The following SNX29 variants were observed in gnomAD, a reference collection of about 807,000 sequenced individuals.
The protein encoded by SNX29 is sorting nexin-29.
A neutral mutation model predicts 102.1 loss-of-function variants in SNX29; 78 were observed. That is an observed-to-expected ratio of 0.76 (90% CI 0.64 to 0.92). The LOEUF is 0.92. Ranked by LOEUF, SNX29 falls within the 40% of genes least tolerant of loss-of-function variation. SNX29 has a pLI of 0.00. For synonymous variants in SNX29, 580 were observed against 414.5 expected, an observed-to-expected ratio of 1.40 and a Z score of -4.85; for missense variants, 1,280 against 1,061.7, an observed-to-expected ratio of 1.21 and a Z score of -2.86.
intron 20 of SNX29, among the ~76,000 whole-genome samples, chr16:12,563,251 C>CCGCCCAGGTAGCAGAG (rs1247896221): frequency 6.6e-6 from 1 of 152,130 alleles, no homozygotes; most frequent in African/African-American, 2.4e-5. Flanking sequence ...ATCACTGACC[C>CCGCCCAGGTAGCAGAG]CGCCCAGGTA....
rs1313069258 is a variant in SNX29, at chr16:12,570,431, TAGAG to T, written c.*1805_*1808del. 1.6e-5 allele frequency: 4 copies of T among 246,306 alleles called. No individual in the cohort carries two copies. The highest frequency in any genetic ancestry group is 2.3e-5 in the Non-Finnish European group (3 of 130,414). 15.3% of individuals were successfully genotyped at this position (246,306 alleles called of 1,614,324 possible). On this transcript the variant is annotated 3_prime_UTR_variant, in exon 21 of 21. Transcript: ENST00000566228. ...AGCTCACATGACTGGCAACTCTAAA[TAGAG>T]AGCCCTAATGGACTGAGGCAGGAAA...
intron 10 of SNX29, among the ~76,000 whole-genome samples, chr16:12,072,047 T>C (rs973231069): frequency 1.4e-4 from 21 of 152,360 alleles, no homozygotes; most frequent in African/African-American, 5.0e-4. Flanking sequence ...AAGTTGCTTA[T>C]CAGCTTAATG....
chr16:12,482,262 T>G (rs2087979442), intron 19 of SNX29, among the ~76,000 whole-genome samples: 1 of 152,116 alleles, frequency 6.6e-6, no homozygotes, highest in Non-Finnish European at 1.5e-5. Context: ...AATTTCTTTC[T>G]CCTTTTCCTT....
At chr16:12,074,676 G>A (rs2151320969) in intron 10 of SNX29, among the ~76,000 whole-genome samples, 1 of 152,164 alleles carries the variant, frequency 6.6e-6, no homozygotes, top group African/African-American at 2.4e-5. Flanking sequence ...TATCTTTGTG[G>A]CGTTCTCTGT....
chr16:12,331,116 C>A (rs2081280008), intron 15 of SNX29, among the ~76,000 whole-genome samples: 1 of 152,218 alleles, frequency 6.6e-6, no homozygotes, highest in Non-Finnish European at 1.5e-5. Flanking sequence ...TACCTTGAAT[C>A]CTCTGCTGGT....
intron 11 of SNX29, among the ~76,000 whole-genome samples, chr16:12,091,968 AC>A (rs2151407667): frequency 6.6e-6 from 1 of 152,244 alleles, no homozygotes; most frequent in African/African-American, 2.4e-5. Context: ...TTCACAGTGC[AC>A]CGGGTCCATG....
At chr16:11,978,572 G>A (rs886925187) in intron 1 of SNX29, among the ~76,000 whole-genome samples, 1 of 152,178 alleles carries the variant, frequency 6.6e-6, no homozygotes, top group Non-Finnish European at 1.5e-5. Flanking sequence ...CTCATGTGGG[G>A]TAGGAGTGGG....
rs765956667 is a variant in SNX29 at position 12,403,456 on chromosome 16, G to T, written c.1964G>T (p.Arg655Leu). The stretch of plus-strand genomic sequence containing the variant: ...CTCTTCCTTTTGGTTAGATCAAACC[G>T]GGCGCTGATCAACGTCTGGATCCCC... ...QSLSDFEISN[R>L]ALINVWIPSV... Residue 655 changes from arginine to leucine, a missense_variant, in exon 18 of 21, where the codon CGG becomes CTG. Physicochemically the swap from Arg to Leu is moderately radical, Grantham distance 102. Coordinates refer to ENST00000566228, the MANE Select transcript of SNX29 (RefSeq NM_032167.5). The T allele has an allele frequency of 2.5e-6, 4 of 1,607,030 alleles. No individual in the cohort carries two copies. Among genetic ancestry groups the T allele is most frequent in the Admixed American group, 3.4e-5 (2 of 59,294 alleles).
intron 1 of SNX29, among the ~76,000 whole-genome samples, chr16:11,991,428 G>A (rs1462552095): frequency 2.0e-5 from 3 of 152,152 alleles, no homozygotes; most frequent in South Asian, 4.1e-4. Flanking sequence ...TGCCAGGCAG[G>A]GGGAGACAGG....
chr16:11,982,596 A>AT (rs1424974899), intron 1 of SNX29, among the ~76,000 whole-genome samples: 1 of 151,570 alleles, frequency 6.6e-6, no homozygotes, highest in Non-Finnish European at 1.5e-5. Context: ...CGCCCAGCTA[A>AT]TTTTTTGTAT....
At chr16:12,119,073 G>T (rs2053864799) in intron 11 of SNX29, among the ~76,000 whole-genome samples, 1 of 152,210 alleles carries the variant, frequency 6.6e-6, no homozygotes, top group Admixed American at 6.5e-5. Flanking sequence ...TCTTGGACCT[G>T]TGTGGTAAGA....
intron 18 of SNX29, among the ~76,000 whole-genome samples, chr16:12,436,495 T>C (rs1358664882): frequency 2.0e-5 from 3 of 152,236 alleles, no homozygotes; most frequent in Non-Finnish European, 4.4e-5. Context: ...GAAATCGCCT[T>C]TGTTGCTCAG....
At chr16:12,185,935 T>A (rs898171399) in intron 13 of SNX29, among the ~76,000 whole-genome samples, 2 of 152,210 alleles carry the variant, frequency 1.3e-5, no homozygotes, top group African/African-American at 4.8e-5. Context: ...AAGTGTTTCC[T>A]AGGTTCTGTC....
chr16:12,191,007 A>C (rs1404511823), intron 13 of SNX29, among the ~76,000 whole-genome samples: 2 of 150,752 alleles, frequency 1.3e-5, no homozygotes, highest in African/African-American at 4.9e-5. Flanking sequence ...GCGGTCCCCA[A>C]CTTTTTTGGC....
intron 1 of SNX29, among the ~76,000 whole-genome samples, chr16:11,979,928 C>T (rs1331670929): frequency 6.6e-6 from 1 of 152,180 alleles, no homozygotes; most frequent in African/African-American, 2.4e-5. Context: ...AGGCATGAGC[C>T]ACTGTGCTCC....
At chr16:12,195,861 A>T (rs1048629146) in intron 13 of SNX29, among the ~76,000 whole-genome samples, 2 of 152,140 alleles carry the variant, frequency 1.3e-5, no homozygotes, top group African/African-American at 4.8e-5. Flanking sequence ...ATGAGACACC[A>T]AGTGTGTGGC....
At chr16:12,327,426 G>A (rs961857050) in intron 15 of SNX29, among the ~76,000 whole-genome samples, 6 of 151,988 alleles carry the variant, frequency 3.9e-5, no homozygotes, top group African/African-American at 1.5e-4. Flanking sequence ...AGATCAAGGT[G>A]TCGGCAGGGT....
intron 9 of SNX29, among the ~76,000 whole-genome samples, chr16:12,067,957 G>C (rs1484892137): frequency 6.6e-6 from 1 of 152,146 alleles, no homozygotes; most frequent in Non-Finnish European, 1.5e-5. Flanking sequence ...TATGGCCCCA[G>C]CTCTTGTGAA....
At chr16:12,224,746 C>G (rs1288998391) in intron 14 of SNX29, among the ~76,000 whole-genome samples, 1 of 152,138 alleles carries the variant, frequency 6.6e-6, no homozygotes, top group Non-Finnish European at 1.5e-5. Flanking sequence ...TAAGCAGGCA[C>G]AAAACCAGAT....
Sources: allele counts gnomAD v4.1 joint callset (sites outside exome capture counted in the v4.1 genomes callset), GRCh38; gene constraint gnomAD v4.1.1; transcripts MANE v1.5; gene names NCBI Gene and HGNC (gene_info 2026-07-23, HGNC 2026-07-21).